Variants in MYO16 observed in about 807,000 individuals in gnomAD.
MYO16 encodes the protein myosin XVI.
MYO16 carries 94 observed loss-of-function variants against 205.3 expected under a neutral mutation model. That is an observed-to-expected ratio of 0.46 (90% confidence interval 0.39 to 0.54). The LOEUF (loss-of-function observed/expected upper bound fraction) is 0.54, where lower values mean the gene tolerates loss of function less well. Ranked by LOEUF, MYO16 falls within the 20% of genes least tolerant of loss-of-function variation. MYO16 has a pLI of 0.00. For synonymous variants in MYO16, 988 were observed against 954.0 expected (o/e 1.04, Z -0.66); for missense variants, 2,315 against 2,387.5 (o/e 0.97, Z 0.63).
At chr13:109,178,157 G>A (rs1340220679) in intron 33 of MYO16, among the ~76,000 whole-genome samples, 1 of 152,022 alleles carries the variant, frequency 6.6e-6, no homozygotes, top group African/African-American at 2.4e-5. Context: ...TGAATTTCAG[G>A]CTGCTCTGAC....
intron 23 of MYO16, among the ~76,000 whole-genome samples, chr13:109,030,773 A>G (rs1381142084): frequency 2.0e-5 from 3 of 152,076 alleles, no homozygotes; most frequent in Non-Finnish European, 2.9e-5. Context: ...AAAGTCAACT[A>G]AACTCCCTAC....
intron 7 of MYO16, among the ~76,000 whole-genome samples, chr13:108,817,486 T>C (rs1455247504): frequency 2.0e-5 from 3 of 150,832 alleles, no homozygotes; most frequent in African/African-American, 7.3e-5. Flanking sequence ...TAAATCACAC[T>C]GTGTTTTCTT....
chr13:108,771,233 A>G (rs183678134), intron 4 of MYO16, among the ~76,000 whole-genome samples: 507 of 152,268 alleles, frequency 3.3e-3, no homozygotes, highest in African/African-American at 0.011. Context: ...CTATTAGCGC[A>G]TGAATACAAA....
chr13:108,622,699 AGGAAGAGGAG>A (rs959628062), intron 1 of MYO16, among the ~76,000 whole-genome samples: 5 of 151,796 alleles, frequency 3.3e-5, no homozygotes, highest in African/African-American at 4.8e-5. Flanking sequence ...GATGGACGAG[AGGAAGAGGAG>A]GTAAGAGGAG....
At chr13:108,828,760 C>T (rs1876428727) in intron 9 of MYO16, among the ~76,000 whole-genome samples, 1 of 152,104 alleles carries the variant, frequency 6.6e-6, no homozygotes, top group African/African-American at 2.4e-5. Flanking sequence ...ATCATTGATG[C>T]CTATGTGACG....
intron 29 of MYO16, among the ~76,000 whole-genome samples, chr13:109,122,812 T>C (rs1876056617): frequency 6.6e-6 from 1 of 152,148 alleles, no homozygotes; most frequent in South Asian, 2.1e-4. Flanking sequence ...AAAGCATTAA[T>C]TATTGATTTT....
chr13:108,684,542 G>C (rs910846135), intron 2 of MYO16, among the ~76,000 whole-genome samples: 3 of 152,186 alleles, frequency 2.0e-5, no homozygotes, highest in African/African-American at 7.2e-5. Context: ...CTGACACAGA[G>C]TTCCTATCTG....
chr13:108,779,421 A>G (rs1368751097), intron 4 of MYO16: 1 of 152,288 alleles, frequency 6.6e-6, no homozygotes, highest in African/African-American at 2.4e-5. Context: ...CAGGGAGCAG[A>G]TACTGCTTCT....
intron 1 of MYO16, among the ~76,000 whole-genome samples, chr13:108,620,296 T>C (rs956198028): frequency 6.6e-6 from 1 of 152,206 alleles, no homozygotes; most frequent in African/African-American, 2.4e-5. Flanking sequence ...TTTTGAATAA[T>C]AAATCTGAAT....
chr13:108,901,120 A>G lies in MYO16; in HGVS notation c.1777+2987A>G, dbSNP rs923720250. Among the ~76,000 whole-genome samples, 5 of 152,198 alleles carry G rather than the reference A, an allele frequency of 3.3e-5. No individual in the cohort carries two copies. In the East Asian group the frequency reaches 9.7e-4, roughly 30 times the overall value. ...CTCTCAAACCCTGTTTCCTGATAAG[A>G]TGTTATCAATGACAATGGGTGCCCA... On this transcript the variant is annotated intron_variant, in intron 15 of 34. Transcript: ENST00000457511.
intron 2 of MYO16, among the ~76,000 whole-genome samples, chr13:108,677,318 T>A (rs1882257812): frequency 7.9e-6 from 1 of 126,722 alleles, no homozygotes; most frequent in Non-Finnish European, 1.6e-5. Flanking sequence ...CATGCATGTG[T>A]GTGTGTGTGT....
chr13:108,927,998 T>C (rs1048587172), intron 16 of MYO16, among the ~76,000 whole-genome samples: 39 of 152,382 alleles, frequency 2.6e-4, no homozygotes, highest in Non-Finnish European at 5.6e-4. Context: ...CCTGAAGCAC[T>C]AGGGTAAGGT....
At chr13:108,660,680 G>T (rs1881463806) in intron 1 of MYO16, among the ~76,000 whole-genome samples, 1 of 152,152 alleles carries the variant, frequency 6.6e-6, no homozygotes, top group African/African-American at 2.4e-5. Context: ...TGTGTTAGGT[G>T]AGTCTCTTGA....
At chr13:108,811,860 C>T (rs985682709) in intron 7 of MYO16, among the ~76,000 whole-genome samples, 4 of 152,176 alleles carry the variant, frequency 2.6e-5, no homozygotes, top group South Asian at 2.1e-4. Context: ...CTGTCAATGA[C>T]GAGGCTACAG....
chr13:108,588,554 T>C, the MYO16 span, among the ~76,000 whole-genome samples: 2 of 151,646 alleles, frequency 1.3e-5, no homozygotes, highest in African/African-American at 4.9e-5. Flanking sequence ...CCAGAAGACA[T>C]TGAGTTATGA....
intron 7 of MYO16, among the ~76,000 whole-genome samples, chr13:108,812,184 AT>A (rs1311765991): frequency 6.6e-6 from 1 of 152,120 alleles, no homozygotes; most frequent in Non-Finnish European, 1.5e-5. Context: ...AATGCTCGGA[AT>A]TTGCATATGA....
intron 32 of MYO16, among the ~76,000 whole-genome samples, chr13:109,155,729 A>T (rs1877978025): frequency 6.6e-6 from 1 of 152,200 alleles, no homozygotes; most frequent in Non-Finnish European, 1.5e-5. Flanking sequence ...AAAGGCAATT[A>T]GAATTGTGCT....
chr13:108,577,285 G>A, the MYO16 span, among the ~76,000 whole-genome samples: 1 of 152,170 alleles, frequency 6.6e-6, no homozygotes, highest in Non-Finnish European at 1.5e-5. Context: ...GGAGGGAATG[G>A]CTAAAGGCTG....
At chr13:108,884,153 C>G (rs768067072) in intron 13 of MYO16, among the ~76,000 whole-genome samples, 2 of 151,990 alleles carry the variant, frequency 1.3e-5, no homozygotes, top group African/African-American at 4.8e-5. Flanking sequence ...GCACACAACT[C>G]GAGTCAAAGT....
Sources: gnomAD v4.1 joint callset for allele counts (sites outside exome capture counted in the v4.1 genomes callset) on GRCh38, gnomAD v4.1.1 for gene constraint, MANE v1.5 for transcripts, NCBI Gene and HGNC (gene_info 2026-07-23, HGNC 2026-07-21) for gene names.